METAP1: variants seen among roughly 807,000 people sequenced by gnomAD.
METAP1 encodes the protein methionine aminopeptidase 1.
METAP1 carries 28 observed loss-of-function variants against 53.8 expected under a neutral mutation model. That is an observed-to-expected ratio of 0.52 (90% CI 0.39 to 0.71). The LOEUF is 0.71. Among genes scored for constraint, METAP1 ranks in the 30% least tolerant of loss-of-function variants. The pLI is 0.00. For synonymous variants in METAP1, 181 were observed against 165.7 expected, an observed-to-expected ratio of 1.09 and a Z score of -0.71; for missense variants, 389 against 479.8, an observed-to-expected ratio of 0.81 and a Z score of 1.77.
chr4:99,040,944 AG>A (rs1725815926), intron 5 of METAP1, 98 bp from the exon 6 acceptor site: 2 of 492,118 alleles, frequency 4.1e-6, no homozygotes, highest in Non-Finnish European at 7.1e-6. Context: ...ATTCAAGGGG[AG>A]ATTCATTTTT....
chr4:99,022,551 T>C, intron 1 of METAP1: 3 of 640,958 alleles, frequency 4.7e-6, no homozygotes, highest in Non-Finnish European at 8.6e-6. Flanking sequence ...CAAGAAAGCA[T>C]TGTCCCCATT....
intron 5 of METAP1, 119 bp downstream of exon 5, chr4:99,039,584 G>C (rs1725696997): frequency 1.9e-6 from 1 of 520,956 alleles, no homozygotes; most frequent in Non-Finnish European, 3.2e-6. Flanking sequence ...GACCAGCCAT[G>C]CTTTTTTTTT....
chr4:99,043,148 G>A, intron 6 of METAP1, 101 bp from the exon 7 acceptor site: 1 of 799,304 alleles, frequency 1.3e-6, no homozygotes, highest in Non-Finnish European at 1.9e-6. Context: ...CTTCATAGTA[G>A]CATGTGTCCA....
At chr4:99,055,087 A>AT (rs147422707) in intron 9 of METAP1, among the ~76,000 whole-genome samples, 2 of 150,710 alleles carry the variant, frequency 1.3e-5, no homozygotes, top group Admixed American at 1.3e-4. Flanking sequence ...TCTTCAATTT[A>AT]TTTTTAAAAA....
At chr4:99,022,875 T>C in intron 1 of METAP1, 2 of 1,532,972 alleles carry the variant, frequency 1.3e-6, no homozygotes, top group Non-Finnish European at 1.8e-6. Flanking sequence ...TGCCTTCTTT[T>C]TGCATCTCAC....
At chr4:99,014,125 AC>A (rs1479684515) in intron 1 of METAP1, among the ~76,000 whole-genome samples, 1 of 152,224 alleles carries the variant, frequency 6.6e-6, no homozygotes, top group Non-Finnish European at 1.5e-5. Context: ...GTAGAAGTAT[AC>A]CTAACACAGT....
At chr4:99,030,506 A>G (rs62325188) in intron 2 of METAP1, among the ~76,000 whole-genome samples, 3,752 of 152,214 alleles carry the variant, frequency 0.025, 56 homozygotes, top group Non-Finnish European at 0.035. Flanking sequence ...TTTGGCTGTG[A>G]TGGATAGAGA....
At chr4:99,005,340 T>G (rs762431766) in intron 1 of METAP1, among the ~76,000 whole-genome samples, 6 of 152,076 alleles carry the variant, frequency 3.9e-5, no homozygotes, top group Non-Finnish European at 7.4e-5. Context: ...CTAAATAGAA[T>G]TTTCTCAAAA....
At chr4:99,035,155 G>T (rs1486204151) in intron 3 of METAP1, among the ~76,000 whole-genome samples, 1 of 152,122 alleles carries the variant, frequency 6.6e-6, no homozygotes, top group African/African-American at 2.4e-5. Context: ...TGGGTGTCTT[G>T]TTATTAGTCT....
At chr4:99,020,075 C>T (rs772164208) in intron 1 of METAP1, among the ~76,000 whole-genome samples, 25 of 152,094 alleles carry the variant, frequency 1.6e-4, no homozygotes, top group African/African-American at 3.1e-4. Context: ...CATCCGCTGC[C>T]GGAATATTTT....
At chr4:99,016,515 A>G (rs1485033694) in intron 1 of METAP1, among the ~76,000 whole-genome samples, 1 of 152,082 alleles carries the variant, frequency 6.6e-6, no homozygotes, top group Admixed American at 6.6e-5. Flanking sequence ...CTGAGTCAAC[A>G]TTTTCTATTA....
intron 1 of METAP1, among the ~76,000 whole-genome samples, chr4:99,020,308 C>T (rs889076113): frequency 2.6e-5 from 4 of 152,122 alleles, no homozygotes; most frequent in East Asian, 1.9e-4. Context: ...GTTAAAGGGG[C>T]GTTCATGAAT....
chr4:99,008,676 C>A (rs148053844), intron 1 of METAP1, among the ~76,000 whole-genome samples: 1 of 152,120 alleles, frequency 6.6e-6, no homozygotes, highest in Non-Finnish European at 1.5e-5. Flanking sequence ...GCTTTCTCAT[C>A]TGTAAAATGA....
At chr4:99,021,930 T>C (rs575106927) in intron 1 of METAP1, among the ~76,000 whole-genome samples, 104 of 152,286 alleles carry the variant, frequency 6.8e-4, no homozygotes, top group Non-Finnish European at 1.3e-3. Context: ...ATACACATCC[T>C]AACATTTAAC....
chr4:99,057,337 C>T (rs1727227433), intron 9 of METAP1, among the ~76,000 whole-genome samples: 1 of 152,216 alleles, frequency 6.6e-6, no homozygotes, highest in African/African-American at 2.4e-5. Context: ...CTGGCATAAT[C>T]TGAAACATCT....
chr4:99,043,378 A>G lies in METAP1; in HGVS notation c.646A>G (p.Ile216Val), dbSNP rs1211464681. The change falls in exon 7 of 11, where the codon ATT becomes GTT. Residue 216 changes from isoleucine to valine, a missense_variant. By Grantham distance (29) the Ile-to-Val change is conservative (BLOSUM62 3). Coordinates refer to ENST00000296411, the MANE Select transcript of METAP1 (RefSeq NM_015143.3). Reference protein sequence around the residue: ...PDRRPLQEGDIVNVDITLYRN... With the variant: ...PDRRPLQEGDVVNVDITLYRN... ...CAGAAGGCCCTTACAAGAAGGTGAC[A>G]TTGTTAATGGTAAGAAAAATATGTT... 2.5e-6 allele frequency: 4 copies of G among 1,595,192 alleles called. No individual in the cohort carries two copies. Among genetic ancestry groups the G allele is most frequent in the Non-Finnish European group, 3.4e-6 (4 of 1,170,150 alleles).
chr4:99,041,809 G>T (rs1287005858), intron 6 of METAP1, among the ~76,000 whole-genome samples: 2 of 151,416 alleles, frequency 1.3e-5, no homozygotes, highest in Admixed American at 1.3e-4. Context: ...CTTGGTGATG[G>T]TATTGTAAAT....
intron 1 of METAP1, among the ~76,000 whole-genome samples, chr4:99,018,081 G>A (rs1018169773): frequency 1.7e-4 from 26 of 152,214 alleles, no homozygotes; most frequent in African/African-American, 6.3e-4. Flanking sequence ...TTCTCATAAA[G>A]CAATTTACTT....
intron 2 of METAP1, 46 bp from the exon 3 acceptor site, chr4:99,034,184 C>G: frequency 2.6e-6 from 3 of 1,148,746 alleles, no homozygotes; most frequent in Non-Finnish European, 2.6e-6. Flanking sequence ...ACATTCCTTT[C>G]CCTCCTTCTC....
Sources: allele counts gnomAD v4.1 joint callset (sites outside exome capture counted in the v4.1 genomes callset), GRCh38; gene constraint gnomAD v4.1.1; transcripts MANE v1.5; gene names NCBI Gene and HGNC (gene_info 2026-07-23, HGNC 2026-07-21).